Variants in ADHFE1 observed in about 807,000 individuals in gnomAD.
ADHFE1 encodes hydroxyacid-oxoacid transhydrogenase, mitochondrial.
In ADHFE1, 37 loss-of-function variants were observed where a neutral mutation model predicts 54.8. The ratio of observed to expected loss-of-function variants is 0.68; its 90% CI spans 0.52 to 0.89. ADHFE1 has a LOEUF of 0.89. Among genes scored for constraint, ADHFE1 ranks in the 40% least tolerant of loss-of-function variants. The pLI is 0.00. For missense variants in ADHFE1, 601 were observed against 591.2 expected (o/e 1.02, Z -0.17); for synonymous variants, 203 against 229.3 (o/e 0.89, Z 1.04).
chr8:66,452,140 G>A lies in ADHFE1; in HGVS notation c.887+35G>A, dbSNP rs1231620553. ...CCCGAAGGGGATAGAAATAGAACAG[G>A]AGGCCCACATTCTGCCAGCACGTGA... On this transcript the variant is annotated intron_variant, in intron 9 of 13. Coordinates refer to ENST00000396623, the MANE Select transcript of ADHFE1 (RefSeq NM_144650.3). The A allele has an allele frequency of 3.7e-6, 6 of 1,608,476 alleles. No individual in the cohort carries two copies. The South Asian group carries it at 4.4e-5, about 12-fold the overall frequency.
chr8:66,458,155 C>A (rs1173745304), intron 12 of ADHFE1, among the ~76,000 whole-genome samples: 2 of 152,154 alleles, frequency 1.3e-5, no homozygotes, highest in African/African-American at 4.8e-5. Context: ...TTTAAGTAGA[C>A]TTGAATATTT....
chr8:66,458,975 G>A (rs1285558053), intron 12 of ADHFE1, among the ~76,000 whole-genome samples: 3 of 152,170 alleles, frequency 2.0e-5, no homozygotes, highest in African/African-American at 2.4e-5. Flanking sequence ...GGTCTTGTCA[G>A]GCAAGGTTTA....
intron 10 of ADHFE1, 40 bp downstream of exon 10, chr8:66,454,197 T>C (rs1436291076): frequency 5.6e-6 from 9 of 1,597,312 alleles, no homozygotes; most frequent in Non-Finnish European, 7.7e-6. Context: ...CTCAAGCTAT[T>C]GCTTTAAAAA....
rs1025195615 is a variant in ADHFE1, at chr8:66,439,888, C to T, written c.60-274C>T. Among the ~76,000 whole-genome samples, 6 of 152,180 alleles carry T rather than the reference C, an allele frequency of 3.9e-5. No homozygotes were observed. The East Asian group carries it at 7.7e-4, about 20-fold the overall frequency. The stretch of plus-strand genomic sequence containing the variant: ...TTGCATGTACCCCCAGAGCGTTTAT[C>T]TCAGCTGCCCGCAGGCATTTGATAG... On this transcript the variant is annotated intron_variant, in intron 1 of 13. Transcript: ENST00000396623. The surrounding 1 kb of genome is among the most constrained non-coding windows in gnomAD (Gnocchi z 4.4).
At chr8:66,440,267 G>A in intron 2 of ADHFE1, 68 bp downstream of exon 2, 3 of 1,466,724 alleles carry the variant, frequency 2.0e-6, no homozygotes, top group Non-Finnish European at 2.8e-6. Context: ...AATACATTTG[G>A]GTAGTGTATG....
chr8:66,448,837 G>C (rs62511186), intron 7 of ADHFE1, 28 bp from the exon 8 acceptor site: 19,039 of 1,585,680 alleles, frequency 0.012, 565 homozygotes, highest in African/African-American at 0.11. Context: ...CATGGCTTTA[G>C]CCTCTACTGA....
At chr8:66,437,718 G>A (rs1171217366) in intron 1 of ADHFE1, among the ~76,000 whole-genome samples, 1 of 152,212 alleles carries the variant, frequency 6.6e-6, no homozygotes, top group Non-Finnish European at 1.5e-5. Flanking sequence ...GGATAAAGTT[G>A]TGAGAAACAG....
chr8:66,466,933 G>A (rs965763618), intron 13 of ADHFE1, among the ~76,000 whole-genome samples: 5 of 152,222 alleles, frequency 3.3e-5, no homozygotes, highest in South Asian at 2.1e-4. Context: ...GAGCCAGATC[G>A]GGGTAGCCTT....
chr8:66,444,792 G>A (rs1420056374), intron 5 of ADHFE1, 44 bp downstream of exon 5: 32 of 1,607,668 alleles, frequency 2.0e-5, no homozygotes, highest in Non-Finnish European at 2.7e-5. Flanking sequence ...TTAAGCAGAA[G>A]CTAACTGTTG....
At chr8:66,450,926 T>A (rs1806266294) in intron 8 of ADHFE1, among the ~76,000 whole-genome samples, 1 of 152,354 alleles carries the variant, frequency 6.6e-6, no homozygotes. Context: ...CTGCTTCTCA[T>A]ATGTAGAAGA....
chr8:66,452,763 T>C (rs1806366249), intron 9 of ADHFE1, among the ~76,000 whole-genome samples: 1 of 152,206 alleles, frequency 6.6e-6, no homozygotes, highest in African/African-American at 2.4e-5. Context: ...AATACAAGTA[T>C]ATACATACAT....
rs202089911 is a variant in ADHFE1, at chr8:66,457,104, C to T, written c.1100C>T (p.Ala367Val). The change falls in exon 12 of 14, where the codon GCG becomes GTG. Residue 367 changes from alanine (A) to valine (V), a missense_variant. Ala to Val is a moderately conservative substitution (Grantham distance 64). Transcript: ENST00000396623. The stretch of plus-strand genomic sequence containing the variant: ...CTTTCTGTGGTGCTCACGTCCCCAG[C>T]GGTGTTCACTTTCACGGCCCAGATG... Reference protein sequence around the residue: ...HGLSVVLTSPAVFTFTAQMFP... With the variant: ...HGLSVVLTSPVVFTFTAQMFP... 220 of 1,613,916 alleles carry T rather than the reference C, an allele frequency of 1.4e-4. No individual in the cohort carries two copies. Among genetic ancestry groups the T allele is most frequent in the Middle Eastern group, 8.3e-4 (5 of 6,060 alleles).
At chr8:66,445,498 T>C in intron 6 of ADHFE1, 84 bp downstream of exon 6, 1 of 1,326,352 alleles carries the variant, frequency 7.5e-7, no homozygotes, top group African/African-American at 1.5e-5. Context: ...CCTTTTAACA[T>C]ACACATTTCG....
rs183494036 is a variant in ADHFE1 at position 66,461,709 on chromosome 8, G to A, written c.1320+1244G>A. ...TCACCAAGCAGAAGATCAGGTCCCA[G>A]TGTTGGTAGAACTACCAACTCTCAA... On this transcript the variant is annotated intron_variant, in intron 13 of 13. Transcript: ENST00000396623. Among the ~76,000 whole-genome samples the A allele has an allele frequency of 1.1e-4, 16 of 151,956 alleles. No individual in the cohort carries two copies. In the East Asian group the frequency reaches 2.7e-3, roughly 26 times the overall value.
chr8:66,452,167 A>G, intron 9 of ADHFE1, 62 bp downstream of exon 9: 3 of 1,580,810 alleles, frequency 1.9e-6, no homozygotes, highest in East Asian at 4.5e-5. Flanking sequence ...AGCACGTGAA[A>G]CATGACATGC....
intron 8 of ADHFE1, 38 bp from the exon 9 acceptor site, chr8:66,451,915 A>T: frequency 6.2e-7 from 1 of 1,603,674 alleles, no homozygotes; most frequent in East Asian, 2.2e-5. Flanking sequence ...GAGGAAGATG[A>T]CGCTTTCCAT....
intron 2 of ADHFE1, 86 bp from the exon 3 acceptor site, chr8:66,442,712 T>A (rs756481998): frequency 5.9e-6 from 7 of 1,187,254 alleles, no homozygotes; most frequent in Non-Finnish European, 8.6e-6. Context: ...AAGGAAATAC[T>A]TATGTTCACT....
intron 1 of ADHFE1, among the ~76,000 whole-genome samples, chr8:66,435,851 TTCCCATCTTGGCC>T (rs1266014770): frequency 4.6e-5 from 7 of 151,690 alleles, no homozygotes; most frequent in African/African-American, 1.5e-4. Flanking sequence ...CCAAGCAGTC[TTCCCATCTTGGCC>T]TCCCAAAGTG....
Position 66,439,575 on chromosome 8 carries a change from C to A in ADHFE1, c.60-587C>A, listed in dbSNP as rs1378332575. 1 of 985,834 alleles carries A rather than the reference C, an allele frequency of 1.0e-6. No individual in the cohort carries two copies. Among genetic ancestry groups the A allele is most frequent in the Non-Finnish European group, 1.2e-6 (1 of 830,332 alleles). 61.1% of individuals were successfully genotyped at this position (985,834 alleles called of 1,614,324 possible). A position where few individuals can be genotyped will look rare whatever the true frequency, so the allele number is the denominator to read the frequency against. ...CAGCTGGGGCCTCTGGGGAGCGGCG[C>A]GGCGGGGACGGAGGAGAGCTCGGAG... is the stretch of plus-strand genomic sequence containing the variant. On this transcript the variant is annotated intron_variant, in intron 1 of 13. Coordinates refer to ENST00000396623, the MANE Select transcript of ADHFE1 (RefSeq NM_144650.3). This position sits in a 1 kb window ranked among gnomAD's most constrained non-coding sequence, Gnocchi z 4.4.
Sources: gnomAD v4.1 joint callset for allele counts (sites outside exome capture counted in the v4.1 genomes callset) on GRCh38, gnomAD v4.1.1 for gene constraint, Gnocchi (gnomAD v3.1) non-coding constraint, MANE v1.5 for transcripts, NCBI Gene and HGNC (gene_info 2026-07-23, HGNC 2026-07-21) for gene names.